The following DNMT1 variants were observed in gnomAD, a reference collection of about 807,000 sequenced individuals.
DNMT1 encodes the protein DNA methyltransferase 1.
In DNMT1, 24 loss-of-function variants were observed where a neutral mutation model predicts 205.3. That is an observed-to-expected ratio of 0.12 (90% CI 0.08 to 0.16). The LOEUF is 0.16. Among genes scored for constraint, DNMT1 ranks in the 10% least tolerant of loss-of-function variants. DNMT1 has a pLI of 1.00. For synonymous variants in DNMT1, 817 were observed against 839.8 expected (o/e 0.97, Z 0.47); for missense variants, 1,293 against 2,177.7 (o/e 0.59, Z 8.09).
At position 10,154,304 on chromosome 19, in the gene DNMT1, C is replaced by T. The variant is rs760173233; in HGVS notation, c.2008G>A (p.Gly670Ser). Reference protein sequence around the residue: ...KENAFKRRRCGVCEVCQQPEC... With the variant: ...KENAFKRRRCSVCEVCQQPEC... ...ACAGGTGAGGTTACCTCACAGACGC[C>T]ACATCGCCGGCGCTTAAAGGCGTTC... Residue 670 changes from glycine to serine, a missense_variant, in exon 22 of 41, where the codon GGC becomes AGC. Transcript: ENST00000359526. The surrounding 1 kb of genome is among the most constrained non-coding windows in gnomAD (Gnocchi z 6.3). 2.5e-6 allele frequency: 4 copies of T among 1,613,986 alleles called. No individual in the cohort carries two copies. The highest frequency in any genetic ancestry group is 1.3e-5 in the African/African-American group (1 of 74,944).
chr19:10,183,946 T>C (rs1294477362), intron 1 of DNMT1, among the ~76,000 whole-genome samples: 3 of 152,070 alleles, frequency 2.0e-5, no homozygotes, highest in Non-Finnish European at 2.9e-5. Context: ...CCCAGTTACT[T>C]GGGAGGCTGA....
chr19:10,175,502 G>C (rs776596105), intron 7 of DNMT1, 38 bp downstream of exon 7: 44 of 1,609,950 alleles, frequency 2.7e-5, no homozygotes, highest in Non-Finnish European at 3.3e-5. Flanking sequence ...AATACACCAA[G>C]TTAAGGTAGA....
At chr19:10,158,568 G>A (rs1404132375) in intron 17 of DNMT1, among the ~76,000 whole-genome samples, 1 of 152,244 alleles carries the variant, frequency 6.6e-6, no homozygotes, top group African/African-American at 2.4e-5. Context: ...TGAAGCCCTG[G>A]AGGGTAACTG....
chr19:10,147,098 A>T (rs2145284995), intron 27 of DNMT1, among the ~76,000 whole-genome samples: 1 of 152,092 alleles, frequency 6.6e-6, no homozygotes, highest in Middle Eastern at 3.4e-3. Flanking sequence ...GTCTCTACAA[A>T]AAATTTTTAA....
Position 10,144,823 on chromosome 19 carries a change from C to A in DNMT1, c.2895-836G>T, listed in dbSNP as rs182687054. 2.6e-3 allele frequency: 403 copies of A among 152,374 alleles called. 2 individuals are homozygous for A. Among genetic ancestry groups the A allele is most frequent in the Non-Finnish European group, 3.7e-3 (253 of 68,070 alleles). 9.4% of individuals were successfully genotyped at this position (152,374 alleles called of 1,614,324 possible). A position where few individuals can be genotyped will look rare whatever the true frequency, so the allele number is the denominator to read the frequency against. On this transcript the variant is annotated intron_variant, in intron 28 of 40. Coordinates refer to ENST00000359526, the MANE Select transcript of DNMT1 (RefSeq NM_001130823.3). ...GGCACAATCTCGGCTCACTGCAACT[C>A]CTCCTCCCAGGTTCAAGCGATTCTC...
At chr19:10,167,286 C>G (rs2038718366) in intron 10 of DNMT1, among the ~76,000 whole-genome samples, 1 of 151,876 alleles carries the variant, frequency 6.6e-6, no homozygotes, top group Non-Finnish European at 1.5e-5. Flanking sequence ...ACCACCGCCT[C>G]CCGGGTTCAA....
intron 5 of DNMT1, among the ~76,000 whole-genome samples, chr19:10,178,322 C>G (rs2038974375): frequency 6.6e-6 from 1 of 151,150 alleles, no homozygotes; most frequent in Non-Finnish European, 1.5e-5. Context: ...TTTGGGAGGC[C>G]AAGGCAGGTG....
In DNMT1 at chr19:10,154,644, A is replaced by C; in HGVS notation, c.1774T>G (p.Phe592Val). ...AGGTCCCGCATGCAGGGTGTCAGGAAGATGGGCTGCTCATCACTGTCCCCG... is the reference window on the plus strand; with the variant it reads ...AGGTCCCGCATGCAGGGTGTCAGGACGATGGGCTGCTCATCACTGTCCCCG... ...EAGDSDEQPI[F>V]LTPCMRDLIK... is the part of the protein sequence containing the mutation. Residue 592 changes from phenylalanine to valine, a missense_variant, in exon 21 of 41, where the codon TTC (phenylalanine) becomes GTC (valine). Physicochemically the swap from Phe to Val is conservative, Grantham distance 50. Around this residue, in one of 13 missense-constraint regions of DNMT1, gnomAD observed 120 missense variants for 315.9 expected, o/e 0.38. Transcript: ENST00000359526. The surrounding 1 kb of genome is among the most constrained non-coding windows in gnomAD (Gnocchi z 6.3). 1 of 1,614,092 alleles carries C rather than the reference A, an allele frequency of 6.2e-7. No homozygotes were observed. Among genetic ancestry groups the C allele is most frequent in the Non-Finnish European group, 8.5e-7 (1 of 1,179,962 alleles).
At chr19:10,178,971 C>CA (rs1032037794) in intron 5 of DNMT1, among the ~76,000 whole-genome samples, 5 of 146,568 alleles carry the variant, frequency 3.4e-5, no homozygotes, top group South Asian at 2.2e-4. Context: ...CTAAAAAATA[C>CA]AAAAAAAATT....
rs150801188 is a variant in DNMT1 at position 10,192,908 on chromosome 19, G to A, written c.80+1912C>T. On this transcript the variant is annotated intron_variant, in intron 1 of 40. Coordinates refer to ENST00000359526, the MANE Select transcript of DNMT1 (RefSeq NM_001130823.3). ...CTGAAAACACAAAAATTAGCCAGGC[G>A]TGGTGGTGTGCACCTGTAATCCCAG... Among the ~76,000 whole-genome samples, 285 of 152,130 alleles carry A rather than the reference G, an allele frequency of 1.9e-3. 1 individual carries two copies. The highest frequency in any genetic ancestry group is 6.2e-3 in the African/African-American group (258 of 41,508).
At chr19:10,193,766 A>C (rs1434081017) in intron 1 of DNMT1, among the ~76,000 whole-genome samples, 1 of 152,148 alleles carries the variant, frequency 6.6e-6, no homozygotes, top group Non-Finnish European at 1.5e-5. Context: ...CAACCAGGTC[A>C]GTTAACAAGC....
At chr19:10,192,012 T>G (rs1023739656) in intron 1 of DNMT1, among the ~76,000 whole-genome samples, 1 of 151,668 alleles carries the variant, frequency 6.6e-6, no homozygotes, top group Non-Finnish European at 1.5e-5. Context: ...TTAGTAGAGA[T>G]GGGGTTTCGC....
At position 10,180,837 on chromosome 19, in the gene DNMT1, C is replaced by A; in HGVS notation, c.166G>T (p.Glu56Ter). ...AAGTCACATAACTGATTCTTTATTTCTGTTTGCAGAAATTCGTGCAAGAGA... is the reference window on the plus strand; with the variant it reads ...AAGTCACATAACTGATTCTTTATTTATGTTTGCAGAAATTCGTGCAAGAGA... ...LNLLHEFLQT[E>*]IKNQLCDLET... Residue 56 changes from glutamate to a stop codon, truncating the protein, a stop_gained, in exon 3 of 41, where the codon GAA becomes TAA. Coordinates refer to ENST00000359526, the MANE Select transcript of DNMT1 (RefSeq NM_001130823.3). LOFTEE classifies it high-confidence loss of function. 1 of 1,614,140 alleles carries A rather than the reference C, an allele frequency of 6.2e-7. No individual in the cohort carries two copies. Among genetic ancestry groups the A allele is most frequent in the Non-Finnish European group, 8.5e-7 (1 of 1,180,014 alleles).
Position 10,163,345 on chromosome 19 carries a change from T to G in DNMT1, c.907A>C (p.Arg303=). The part of the protein sequence containing the change: ...DGDEKDEKKH[R]SQPKDLAAKR... ...ACTTACAGATCTTTGGGTTGACTTC[T>G]GTGCTTCTTCTCATCCTGACAGAAA... The change falls in exon 12 of 41, where the codon AGA becomes CGA. Residue 303 remains arginine, a synonymous_variant. Coordinates refer to ENST00000359526, the MANE Select transcript of DNMT1 (RefSeq NM_001130823.3). 6 of 1,614,026 alleles carry G rather than the reference T, an allele frequency of 3.7e-6. No homozygotes were observed. Among genetic ancestry groups the G allele is most frequent in the Non-Finnish European group, 8.5e-7 (1 of 1,179,980 alleles).
rs555888560 is a variant in DNMT1 at position 10,164,593 on chromosome 19, A to T, written c.892-1233T>A. On this transcript the variant is annotated intron_variant, in intron 11 of 40. Transcript: ENST00000359526. ...CTGCACTCCTGCACTCTAGCCTGGG[A>T]AACAGAGCAAGATCCTGTCTCAAAA... Among the ~76,000 whole-genome samples the T allele has an allele frequency of 4.9e-4, 74 of 151,994 alleles. No homozygotes were observed. In the Middle Eastern group the frequency reaches 0.014, roughly 28 times the overall value.
rs1252953680 is a variant in DNMT1, at chr19:10,134,161, A to G, written c.4864+56T>C. The G allele has an allele frequency of 2.7e-5, 43 of 1,593,100 alleles. No homozygotes were observed. The South Asian group carries it at 4.7e-4, about 18-fold the overall frequency. ...AACGGTGGCCAGCAACTGCCCCCAC[A>G]TGTACCCCCAGAGGGCAGTCAGGCC... is the stretch of plus-strand genomic sequence containing the variant. On this transcript the variant is annotated intron_variant, in intron 40 of 40. Transcript: ENST00000359526.
At chr19:10,152,953 A>G (rs1189780508) in intron 22 of DNMT1, among the ~76,000 whole-genome samples, 10 of 150,126 alleles carry the variant, frequency 6.7e-5, no homozygotes, top group Admixed American at 6.0e-4. Context: ...AAAAAAAAAA[A>G]GCAATATTCA....
Position 10,137,419 on chromosome 19 carries a change from A to G in DNMT1, c.4294-139T>C. On this transcript the variant is annotated intron_variant, in intron 36 of 40. Transcript: ENST00000359526. This position sits in a 1 kb window ranked among gnomAD's most constrained non-coding sequence, Gnocchi z 6.4. ...CCCATCGGGAAAGAGACAGTCAGGG[A>G]TATCGCACTTGGCTCGAGGCCACGG... 1 of 1,128,122 alleles carries G rather than the reference A, an allele frequency of 8.9e-7. No homozygotes were observed. Among genetic ancestry groups the G allele is most frequent in the Non-Finnish European group, 1.3e-6 (1 of 795,740 alleles). The allele number at this position is 1,128,122 out of a possible 1,614,324, so 69.9% of individuals were successfully genotyped here. A position where few individuals can be genotyped will look rare whatever the true frequency, so the allele number is the denominator to read the frequency against.
chr19:10,174,944 A>G (rs1599389330), intron 7 of DNMT1, among the ~76,000 whole-genome samples: 1 of 150,984 alleles, frequency 6.6e-6, no homozygotes, highest in East Asian at 2.0e-4. Flanking sequence ...AGTCCCAGCT[A>G]CTCGGGAGGC....
Sources: allele counts gnomAD v4.1 joint callset (sites outside exome capture counted in the v4.1 genomes callset), GRCh38; gene constraint gnomAD v4.1.1; regional missense constraint gnomAD v4.1.1; non-coding constraint Gnocchi (gnomAD v3.1); transcripts MANE v1.5; gene names NCBI Gene and HGNC (gene_info 2026-07-23, HGNC 2026-07-21).